Variants in CDIN1 observed in about 807,000 individuals in gnomAD.
CDIN1 encodes the protein CDAN1 interacting nuclease 1.
Under a neutral mutation model 45.3 loss-of-function variants are expected in CDIN1, and 33 were observed. That is an observed-to-expected ratio of 0.73 (90% CI 0.55 to 0.97). The LOEUF is 0.97. Among genes scored for constraint, CDIN1 ranks in the 50% least tolerant of loss-of-function variants. CDIN1 has a pLI of 0.00. For missense variants in CDIN1, 303 were observed against 339.4 expected, an observed-to-expected ratio of 0.89 and a Z score of 0.84; for synonymous variants, 118 against 124.4, an observed-to-expected ratio of 0.95 and a Z score of 0.34.
At chr15:36,763,085 T>C (rs1479076048) in intron 10 of CDIN1, among the ~76,000 whole-genome samples, 1 of 152,262 alleles carries the variant, frequency 6.6e-6, no homozygotes, top group Non-Finnish European at 1.5e-5. Flanking sequence ...TCCACAATGG[T>C]TGAACCAGTT....
intron 1 of CDIN1, among the ~76,000 whole-genome samples, chr15:36,608,294 A>T (rs981115292): frequency 6.6e-6 from 1 of 152,208 alleles, no homozygotes; most frequent in African/African-American, 2.4e-5. Flanking sequence ...CTCCATAGGA[A>T]TGTATGAGGG....
intron 5 of CDIN1, among the ~76,000 whole-genome samples, chr15:36,667,869 T>A (rs1357291281): frequency 1.3e-5 from 2 of 152,168 alleles, no homozygotes; most frequent in African/African-American, 4.8e-5. Flanking sequence ...CTATTTTCTT[T>A]ACAAGAACAT....
At chr15:36,800,909 G>GTATATATATATATAGATA (rs2055016609) in intron 10 of CDIN1, among the ~76,000 whole-genome samples, 1 of 22,374 alleles carries the variant, frequency 4.5e-5, no homozygotes, top group Non-Finnish European at 1.2e-4. Context: ...GTGTGTGTGT[G>GTATATATATATATAGATA]TATATATATA....
intron 7 of CDIN1, among the ~76,000 whole-genome samples, chr15:36,695,234 T>A (rs926655106): frequency 6.6e-6 from 1 of 152,200 alleles, no homozygotes; most frequent in South Asian, 2.1e-4. Flanking sequence ...AACGAAGTTT[T>A]ATTTAAGTTG....
At chr15:36,634,481 T>G (rs62002293) in intron 1 of CDIN1, among the ~76,000 whole-genome samples, 15,983 of 152,238 alleles carry the variant, frequency 0.1, 907 homozygotes, top group Middle Eastern at 0.16. Context: ...CTAAATACTT[T>G]ATGGCCTTTG....
intron 10 of CDIN1, among the ~76,000 whole-genome samples, chr15:36,800,362 G>A (rs1975712): frequency 0.74 from 112,585 of 152,014 alleles, 43,056 homozygotes; most frequent in East Asian, 0.94. Flanking sequence ...TCATTTCTAC[G>A]AAAAAAGAAT....
At chr15:36,740,008 A>G (rs2044174056) in intron 10 of CDIN1, among the ~76,000 whole-genome samples, 2 of 152,244 alleles carry the variant, frequency 1.3e-5, no homozygotes, top group Admixed American at 1.3e-4. Context: ...TGTACTGGAA[A>G]AGGGCTTGCC....
chr15:36,645,940 C>A (rs1322979473), intron 3 of CDIN1, among the ~76,000 whole-genome samples: 1 of 145,040 alleles, frequency 6.9e-6, no homozygotes, highest in African/African-American at 2.6e-5. Context: ...ATTTCAACTT[C>A]TTGTTCTGAA....
At chr15:36,704,820 A>G (rs957078927) in intron 8 of CDIN1, 5 of 152,152 alleles carry the variant, frequency 3.3e-5, no homozygotes, top group Admixed American at 6.6e-5. Context: ...GGATTTCTGC[A>G]TGATTTTTAT....
chr15:36,651,267 G>T (rs1448049911), intron 3 of CDIN1, among the ~76,000 whole-genome samples: 1 of 152,138 alleles, frequency 6.6e-6, no homozygotes, highest in Non-Finnish European at 1.5e-5. Context: ...ACATTCATTT[G>T]TGTAGCCCTA....
intron 1 of CDIN1, chr15:36,626,775 T>C (rs1878155115): frequency 2.8e-6 from 1 of 353,432 alleles, no homozygotes; most frequent in Middle Eastern, 8.6e-4. Context: ...TGTGCGTTAC[T>C]GATGATGATG....
intron 10 of CDIN1, among the ~76,000 whole-genome samples, chr15:36,807,999 C>T (rs1191005781): frequency 6.6e-6 from 1 of 152,184 alleles, no homozygotes; most frequent in Non-Finnish European, 1.5e-5. Context: ...TTCCTGTTTG[C>T]ACTGTGAATC....
chr15:36,588,891 GATA>G (rs1343394581), intron 1 of CDIN1, among the ~76,000 whole-genome samples: 1 of 152,126 alleles, frequency 6.6e-6, no homozygotes, highest in East Asian at 1.9e-4. Context: ...GAAAGCCTCA[GATA>G]ATGTTATTCT....
At chr15:36,739,410 G>GCAAAA (rs139738188) in intron 10 of CDIN1, among the ~76,000 whole-genome samples, 15,731 of 151,002 alleles carry the variant, frequency 0.1, 855 homozygotes, top group Middle Eastern at 0.16. Flanking sequence ...GTCTCTAAAT[G>GCAAAA]CAAAACAAAA....
intron 10 of CDIN1, among the ~76,000 whole-genome samples, chr15:36,737,224 GCAGGTTC>G (rs1467043126): frequency 6.6e-6 from 1 of 151,238 alleles, no homozygotes; most frequent in Non-Finnish European, 1.5e-5. Context: ...CTTTGCTCCT[GCAGGTTC>G]CAATACCTGG....
chr15:36,596,087 A>C (rs1192846301), intron 1 of CDIN1, among the ~76,000 whole-genome samples: 3 of 152,238 alleles, frequency 2.0e-5, no homozygotes, highest in African/African-American at 7.2e-5. Context: ...CCATGCTGGC[A>C]GCTAGGAGAG....
At chr15:36,663,307 T>C (rs145448354) in intron 5 of CDIN1, among the ~76,000 whole-genome samples, 142 of 152,334 alleles carry the variant, frequency 9.3e-4, no homozygotes, top group Non-Finnish European at 1.0e-3. Flanking sequence ...TGGTTCTGAA[T>C]AGCAGAGTGA....
chr15:36,632,887 A>G (rs2039738517), intron 1 of CDIN1, among the ~76,000 whole-genome samples: 1 of 152,244 alleles, frequency 6.6e-6, no homozygotes, highest in South Asian at 2.1e-4. Flanking sequence ...TGGTCTTGCA[A>G]GTGAAATTAA....
chr15:36,713,726 T>C (rs550341409), intron 10 of CDIN1, among the ~76,000 whole-genome samples: 20 of 152,322 alleles, frequency 1.3e-4, no homozygotes, highest in African/African-American at 4.6e-4. Flanking sequence ...GTCTTCCGAC[T>C]AGACATTTTT....
Sources: allele counts gnomAD v4.1 joint callset (sites outside exome capture counted in the v4.1 genomes callset), GRCh38; gene constraint gnomAD v4.1.1; transcripts MANE v1.5; gene names NCBI Gene and HGNC (gene_info 2026-07-23, HGNC 2026-07-21).